LINGO2: variants seen among roughly 807,000 people sequenced by gnomAD.
LINGO2 encodes the protein leucine-rich repeat and immunoglobulin-like domain-containing nogo receptor-interacting protein 2.
In LINGO2, 14 loss-of-function variants were observed where a neutral mutation model predicts 30.6. The observed-to-expected ratio is 0.46, with a 90% CI of 0.30 to 0.72. The LOEUF (loss-of-function observed/expected upper bound fraction) is 0.72, where lower values mean the gene tolerates loss of function less well. Among genes scored for constraint, LINGO2 ranks in the 30% least tolerant of loss-of-function variants. LINGO2 has a pLI of 0.07. For missense variants in LINGO2, 729 were observed against 751.7 expected (o/e 0.97, Z 0.35); for synonymous variants, 317 against 288.5 (o/e 1.10, Z -1.00).
chr9:29,093,287 T>C, the LINGO2 span, among the ~76,000 whole-genome samples: 1 of 133,384 alleles, frequency 7.5e-6, no homozygotes, highest in Non-Finnish European at 1.6e-5. Context: ...AATAATTTTT[T>C]CAAGAATTGA....
At chr9:28,536,184 C>T (rs180713801) in intron 1 of LINGO2, among the ~76,000 whole-genome samples, 1 of 152,152 alleles carries the variant, frequency 6.6e-6, no homozygotes, top group African/African-American at 2.4e-5. Flanking sequence ...ATATTTTTAA[C>T]TCTGTGCTTA....
At chr9:28,655,214 T>C (rs1478365650) in intron 1 of LINGO2, among the ~76,000 whole-genome samples, 2 of 152,064 alleles carry the variant, frequency 1.3e-5, no homozygotes, top group Non-Finnish European at 2.9e-5. Context: ...TGCTGCCATG[T>C]GAAGAAGGAT....
intron 5 of LINGO2, among the ~76,000 whole-genome samples, chr9:27,983,202 C>A (rs193276638): frequency 2.2e-4 from 33 of 151,906 alleles, no homozygotes; most frequent in Non-Finnish European, 4.0e-4. Context: ...GAAATGCATG[C>A]ATCTTAGAAG....
At chr9:28,082,034 A>G (rs1386428350) in intron 4 of LINGO2, among the ~76,000 whole-genome samples, 1 of 152,192 alleles carries the variant, frequency 6.6e-6, no homozygotes, top group Non-Finnish European at 1.5e-5. Context: ...TCTTGATCAT[A>G]AAAACCTCTA....
chr9:28,549,961 T>C (rs1035560733), intron 1 of LINGO2, among the ~76,000 whole-genome samples: 4 of 151,956 alleles, frequency 2.6e-5, no homozygotes, highest in Non-Finnish European at 5.9e-5. Context: ...TGTATTTTAA[T>C]TATCTTCACA....
intron 3 of LINGO2, among the ~76,000 whole-genome samples, chr9:28,350,856 C>G (rs913648339): frequency 6.6e-6 from 1 of 151,658 alleles, no homozygotes; most frequent in South Asian, 2.1e-4. Flanking sequence ...CACTCAAAAC[C>G]GCTCAAATAC....
At chr9:28,883,562 G>C in the LINGO2 span, among the ~76,000 whole-genome samples, 2 of 144,620 alleles carry the variant, frequency 1.4e-5, no homozygotes, top group African/African-American at 2.6e-5. Flanking sequence ...CACAGCAACT[G>C]ACATTTCCCT....
At chr9:28,208,391 C>T (rs1820482109) in intron 4 of LINGO2, among the ~76,000 whole-genome samples, 1 of 151,978 alleles carries the variant, frequency 6.6e-6, no homozygotes, top group Admixed American at 6.6e-5. Context: ...TATCTTACGG[C>T]AAATCTTAGT....
chr9:28,820,066 T>G, the LINGO2 span, among the ~76,000 whole-genome samples: 5,061 of 152,218 alleles, frequency 0.033, 285 homozygotes, highest in African/African-American at 0.11. Flanking sequence ...ACCATGTTGA[T>G]GTTAATTTAT....
chr9:29,120,670 C>T, the LINGO2 span, among the ~76,000 whole-genome samples: 1 of 152,148 alleles, frequency 6.6e-6, no homozygotes, highest in East Asian at 1.9e-4. Flanking sequence ...ACTGAAAATA[C>T]ACTGTAAGGT....
the LINGO2 span, among the ~76,000 whole-genome samples, chr9:29,190,047 G>C: frequency 7.2e-6 from 1 of 139,556 alleles, no homozygotes; most frequent in Non-Finnish European, 1.5e-5. Context: ...GAGAGGGAGA[G>C]GGAGGGGGAG....
the LINGO2 span, chr9:27,939,741 A>C: frequency 6.6e-6 from 1 of 152,218 alleles, no homozygotes; most frequent in Non-Finnish European, 1.5e-5. Context: ...GGCTAAAGGA[A>C]TAGGCTAGAT....
the LINGO2 span, among the ~76,000 whole-genome samples, chr9:29,213,443 G>C: frequency 6.6e-6 from 1 of 152,158 alleles, no homozygotes; most frequent in African/African-American, 2.4e-5. Context: ...GTCTACGCTG[G>C]GGAAACTTTC....
At chr9:28,386,102 CCCTCTGCCTG>C (rs1821569828) in intron 2 of LINGO2, among the ~76,000 whole-genome samples, 1 of 152,138 alleles carries the variant, frequency 6.6e-6, no homozygotes, top group Non-Finnish European at 1.5e-5. Flanking sequence ...TGACTTATAT[CCCTCTGCCTG>C]CCTGAGGATC....
chr9:28,100,729 C>T (rs1259663092), intron 4 of LINGO2, among the ~76,000 whole-genome samples: 1 of 151,948 alleles, frequency 6.6e-6, no homozygotes, highest in African/African-American at 2.4e-5. Context: ...ATTATTGCTT[C>T]CCATCCTCCA....
At chr9:28,866,479 G>A in the LINGO2 span, among the ~76,000 whole-genome samples, 4 of 151,974 alleles carry the variant, frequency 2.6e-5, no homozygotes, top group Non-Finnish European at 5.9e-5. Context: ...CTGCAATTAG[G>A]AACTATAGCA....
intron 4 of LINGO2, among the ~76,000 whole-genome samples, chr9:28,215,735 G>T: frequency 6.6e-6 from 1 of 151,668 alleles, no homozygotes; most frequent in Non-Finnish European, 1.5e-5. Context: ...AAATACGCGG[G>T]ACCAGAACTC....
At chr9:28,297,021 A>C (rs1229076078) in intron 3 of LINGO2, among the ~76,000 whole-genome samples, 1 of 152,152 alleles carries the variant, frequency 6.6e-6, no homozygotes, top group Non-Finnish European at 1.5e-5. Context: ...GGCAGCCATG[A>C]AGGATATTAA....
At chr9:28,852,734 A>G in the LINGO2 span, among the ~76,000 whole-genome samples, 1 of 152,034 alleles carries the variant, frequency 6.6e-6, no homozygotes, top group Non-Finnish European at 1.5e-5. Context: ...TCAATATATC[A>G]CTTTTCTACC....
Sources: allele counts gnomAD v4.1 joint callset (sites outside exome capture counted in the v4.1 genomes callset), GRCh38; gene constraint gnomAD v4.1.1; transcripts MANE v1.5; gene names NCBI Gene and HGNC (gene_info 2026-07-23, HGNC 2026-07-21).